Variants in NEDD4L observed in about 807,000 individuals in gnomAD.
NEDD4L encodes the protein E3 ubiquitin-protein ligase NEDD4-like.
In NEDD4L, 54 loss-of-function variants were observed where a neutral mutation model predicts 148.9. The observed-to-expected ratio is 0.36, with a 90% CI of 0.29 to 0.45. The LOEUF is 0.45. Ranked by LOEUF, NEDD4L falls within the 20% of genes least tolerant of loss-of-function variation. The pLI is 1.00. For synonymous variants in NEDD4L, 433 were observed against 440.7 expected (o/e 0.98, Z 0.22); for missense variants, 856 against 1,233.8 (o/e 0.69, Z 4.59).
At chr18:58,172,121 C>T (rs1404233855) in intron 2 of NEDD4L, among the ~76,000 whole-genome samples, 2 of 151,962 alleles carry the variant, frequency 1.3e-5, no homozygotes, top group South Asian at 2.1e-4. Context: ...GCCAAGGACA[C>T]GAGTGATGGG....
intron 20 of NEDD4L, 70 bp from the exon 21 acceptor site, chr18:58,365,929 G>A (rs918130701): frequency 2.7e-6 from 3 of 1,102,684 alleles, no homozygotes; most frequent in Admixed American, 2.6e-5. Flanking sequence ...ACCATTTGCT[G>A]TTGTTTTTAT....
chr18:58,056,907 T>TTTTTG (rs1555677525), intron 1 of NEDD4L, among the ~76,000 whole-genome samples: 140 of 148,152 alleles, frequency 9.4e-4, no homozygotes, highest in African/African-American at 2.4e-3. Flanking sequence ...TTTTTTTTTT[T>TTTTTG]TTTGTTTGTT....
At chr18:58,222,774 G>T (rs1007289500) in intron 2 of NEDD4L, among the ~76,000 whole-genome samples, 1 of 152,150 alleles carries the variant, frequency 6.6e-6, no homozygotes, top group Non-Finnish European at 1.5e-5. Flanking sequence ...AAATATCAAA[G>T]CCTACAGTCA....
chr18:58,054,721 T>A (rs1175005209), intron 1 of NEDD4L: 1 of 152,354 alleles, frequency 6.6e-6, no homozygotes, highest in Non-Finnish European at 1.5e-5. Flanking sequence ...TGTCAGTAAC[T>A]TGGTTTTTAA....
At chr18:58,080,961 G>A (rs1387672848) in intron 1 of NEDD4L, among the ~76,000 whole-genome samples, 1 of 152,128 alleles carries the variant, frequency 6.6e-6, no homozygotes, top group Non-Finnish European at 1.5e-5. Context: ...TATGAAATGT[G>A]AGGGCCGGAG....
At position 58,386,936 on chromosome 18, in the gene NEDD4L, G is replaced by A. The variant is rs144792211; in HGVS notation, c.2488-503G>A. Among the ~76,000 whole-genome samples, 20 of 152,322 alleles carry A rather than the reference G, an allele frequency of 1.3e-4. No homozygotes were observed. In the East Asian group the frequency reaches 1.3e-3, roughly 10 times the overall value. On this transcript the variant is annotated intron_variant, in intron 26 of 30. Coordinates refer to ENST00000400345, the MANE Select transcript of NEDD4L (RefSeq NM_001144967.3). ...CCTTCAGAAACGCGGCGTTCGCAGCGCGCAGGGCCCAGCAGAGCTGAGCTC... is the reference window on the plus strand; with the variant it reads ...CCTTCAGAAACGCGGCGTTCGCAGCACGCAGGGCCCAGCAGAGCTGAGCTC...
chr18:58,256,004 C>A lies in NEDD4L; in HGVS notation c.297+3950C>A. 8.1e-7 allele frequency: 1 copy of A among 1,230,560 alleles called. No homozygotes were observed. The highest frequency in any genetic ancestry group is 1.0e-6 in the Non-Finnish European group (1 of 987,204). The allele number at this position is 1,230,560 out of a possible 1,614,324, so 76.2% of individuals were successfully genotyped here. A position where few individuals can be genotyped will look rare whatever the true frequency, so the allele number is the denominator to read the frequency against. ...CGACGATGGGCCTCCATGCGCAACG[C>A]CCGACCCCAGGGACCAGGCCTCCGC... is the stretch of plus-strand genomic sequence containing the variant. On this transcript the variant is annotated intron_variant, in intron 5 of 30. Transcript: ENST00000400345. The surrounding 1 kb of genome is among the most constrained non-coding windows in gnomAD (Gnocchi z 5.2).
At chr18:58,336,690 T>G (rs573163342) in intron 13 of NEDD4L, among the ~76,000 whole-genome samples, 2 of 152,342 alleles carry the variant, frequency 1.3e-5, no homozygotes, top group Admixed American at 1.3e-4. Flanking sequence ...AAGATGTTGA[T>G]GACTTCAATT....
intron 1 of NEDD4L, among the ~76,000 whole-genome samples, chr18:58,115,666 GAAC>G (rs2145735994): frequency 6.6e-6 from 1 of 152,268 alleles, no homozygotes; most frequent in African/African-American, 2.4e-5. Context: ...TAGTTCTGTT[GAAC>G]TGCTGCCTAA....
chr18:58,074,434 ATTTTTTTTT>A (rs544878321), intron 1 of NEDD4L, among the ~76,000 whole-genome samples: 3 of 111,758 alleles, frequency 2.7e-5, no homozygotes, highest in East Asian at 6.0e-4. Context: ...AATTTTTTGT[ATTTTTTTTT>A]TTTTTTTTTT....
chr18:58,224,301 A>T (rs1437888960), intron 2 of NEDD4L, among the ~76,000 whole-genome samples: 1 of 152,210 alleles, frequency 6.6e-6, no homozygotes, highest in Non-Finnish European at 1.5e-5. Flanking sequence ...GGCAGAAGCC[A>T]TTGAGAGTCC....
intron 5 of NEDD4L, among the ~76,000 whole-genome samples, chr18:58,310,318 C>T (rs1359823616): frequency 2.8e-4 from 43 of 152,138 alleles, no homozygotes. Flanking sequence ...AGATTTTGTC[C>T]CTTACTTCTT....
In NEDD4L at chr18:58,195,427, C is replaced by T. The variant is rs73450430; in HGVS notation, c.122+29566C>T. 1.3e-3 allele frequency: 1,700 copies of T among 1,307,018 alleles called. 14 individuals carry two copies. The African/African-American group carries it at 0.019, about 14-fold the overall frequency. 81.0% of individuals were successfully genotyped at this position (1,307,018 alleles called of 1,614,324 possible). ...CCCACATTTGAATTTGCTCCCGATT[C>T]GAGAGAGGCAGGCATCCGCGGCAGC... On this transcript the variant is annotated intron_variant, in intron 2 of 30. Transcript: ENST00000400345.
chr18:58,131,313 G>A (rs940182904), intron 1 of NEDD4L, among the ~76,000 whole-genome samples: 13 of 148,880 alleles, frequency 8.7e-5, no homozygotes, highest in African/African-American at 3.0e-4. Flanking sequence ...GAACAGTGGC[G>A]GTTTTGGGCT....
chr18:58,149,402 A>G, intron 1 of NEDD4L: 1 of 1,492,500 alleles, frequency 6.7e-7, no homozygotes, highest in Non-Finnish European at 9.0e-7. Flanking sequence ...CTCTCCTGTG[A>G]CCTTGTCACC....
intron 5 of NEDD4L, among the ~76,000 whole-genome samples, chr18:58,306,160 T>C (rs980637823): frequency 2.6e-5 from 4 of 152,056 alleles, no homozygotes; most frequent in African/African-American, 9.7e-5. Context: ...AGAGGACATA[T>C]GGAAGGATCT....
chr18:58,213,436 T>G (rs944498154), intron 2 of NEDD4L, among the ~76,000 whole-genome samples: 5 of 152,360 alleles, frequency 3.3e-5, no homozygotes, highest in African/African-American at 7.2e-5. Context: ...CTATGAGAAC[T>G]TGATGAATGA....
chr18:58,143,713 C>T (rs538422451), intron 1 of NEDD4L, among the ~76,000 whole-genome samples: 1 of 152,280 alleles, frequency 6.6e-6, no homozygotes, highest in African/African-American at 2.4e-5. Flanking sequence ...CATCAGGAAG[C>T]AGAATTAATC....
At chr18:58,066,564 C>G (rs1444848366) in intron 1 of NEDD4L, among the ~76,000 whole-genome samples, 1 of 152,032 alleles carries the variant, frequency 6.6e-6, no homozygotes, top group Admixed American at 6.6e-5. Context: ...GTGTTCCACT[C>G]ACCTTGGCCT....
Sources: allele counts gnomAD v4.1 joint callset (sites outside exome capture counted in the v4.1 genomes callset), GRCh38; gene constraint gnomAD v4.1.1; non-coding constraint Gnocchi (gnomAD v3.1); transcripts MANE v1.5; gene names NCBI Gene and HGNC (gene_info 2026-07-23, HGNC 2026-07-21).